TSTD2: variants seen among roughly 807,000 people sequenced by gnomAD.
TSTD2 encodes thiosulfate sulfurtransferase/rhodanese-like domain-containing protein 2.
TSTD2 carries 37 observed loss-of-function variants against 47.9 expected under a neutral mutation model. The observed-to-expected ratio is 0.77, with a 90% CI of 0.59 to 1.02. The LOEUF (loss-of-function observed/expected upper bound fraction) is 1.02. Ranked by LOEUF, TSTD2 falls within the 50% of genes least tolerant of loss-of-function variation. The probability of loss-of-function intolerance (pLI) is 0.00; values close to 1 mark genes in which losing one functional copy is unlikely to be tolerated. For synonymous variants in TSTD2, 201 were observed against 215.9 expected (o/e 0.93, Z 0.61); for missense variants, 586 against 616.0 (o/e 0.95, Z 0.52).
chr9:97,605,651 A>G lies in TSTD2; in HGVS notation c.955-10T>C. ...AGCCTTGGAATCGTCCCTGTAACAT[A>G]GGAGCAACAAAAGGAAAATTATCAG... On this transcript the variant is annotated splice_polypyrimidine_tract_variant and intron_variant, in intron 7 of 9. Coordinates refer to ENST00000341170, the MANE Select transcript of TSTD2 (RefSeq NM_139246.5). 1 of 1,614,082 alleles carries G rather than the reference A, an allele frequency of 6.2e-7. No homozygotes were observed. The highest frequency in any genetic ancestry group is 8.5e-7 in the Non-Finnish European group (1 of 1,179,998).
chr9:97,618,805 C>G lies in TSTD2; in HGVS notation c.483-928G>C, dbSNP rs577974979. On this transcript the variant is annotated intron_variant, in intron 3 of 9. Transcript: ENST00000341170. ...AGTCTGAGTCCCTCCTCAACAGCCT[C>G]ATCATATTTCAGGGCCTAGTCTCTT... Among the ~76,000 whole-genome samples, 5 of 152,318 alleles carry G rather than the reference C, an allele frequency of 3.3e-5. No individual in the cohort carries two copies. The East Asian group carries it at 9.6e-4, about 29-fold the overall frequency.
intron 7 of TSTD2, 109 bp from the exon 8 acceptor site, chr9:97,605,750 G>A: frequency 7.2e-7 from 1 of 1,383,862 alleles, no homozygotes; most frequent in Non-Finnish European, 9.8e-7. Context: ...GCCCCTGCCA[G>A]TTGCTAATCT....
chr9:97,617,904 A>G (rs766731507), intron 3 of TSTD2, 27 bp from the exon 4 acceptor site: 1 of 1,601,218 alleles, frequency 6.2e-7, no homozygotes, highest in East Asian at 2.2e-5. Flanking sequence ...CAAGGCAAAG[A>G]GCATTTGAGT....
chr9:97,613,030 G>A (rs1335720858), intron 4 of TSTD2, among the ~76,000 whole-genome samples: 1 of 152,228 alleles, frequency 6.6e-6, no homozygotes, highest in Non-Finnish European at 1.5e-5. Context: ...AATCCAGGTA[G>A]CTTAACAGAG....
intron 9 of TSTD2, among the ~76,000 whole-genome samples, chr9:97,603,788 C>T (rs1826315826): frequency 9.2e-5 from 14 of 152,156 alleles, no homozygotes; most frequent in Admixed American, 9.2e-4. Flanking sequence ...CAACCTCAAC[C>T]TCCCGGGCTC....
At position 97,605,594 on chromosome 9, in the gene TSTD2, G is replaced by GT; in HGVS notation, c.1001dup (p.Tyr334Ter). 1 of 1,614,234 alleles carries GT rather than the reference G, an allele frequency of 6.2e-7. No individual in the cohort carries two copies. The part of the protein sequence containing the change: ...CLAPDIRKFS[Y>*]FPSYVDKNLE... ...GATTTTTGTCAACGTAGCTAGGGAA[G>GT]TAACTGAATTTCCTGATGTCTGGGG... Residue 334 changes from tyrosine to a stop codon, truncating the protein, a stop_gained and frameshift_variant, in exon 8 of 10, where the codon TAC becomes TAAC. Transcript: ENST00000341170. LOFTEE classifies it high-confidence loss of function.
At chr9:97,618,030 G>C (rs1483984971) in intron 3 of TSTD2, among the ~76,000 whole-genome samples, 153 bp from the exon 4 acceptor site, 1 of 152,222 alleles carries the variant, frequency 6.6e-6, no homozygotes, top group Non-Finnish European at 1.5e-5. Flanking sequence ...CCTGAAATGA[G>C]AAGCAACTTC....
intron 6 of TSTD2, among the ~76,000 whole-genome samples, chr9:97,609,393 ACT>A (rs1826420373): frequency 6.6e-6 from 1 of 152,154 alleles, no homozygotes; most frequent in Non-Finnish European, 1.5e-5. Context: ...ATTATGGGAA[ACT>A]CTAAAGGTCA....
intron 3 of TSTD2, among the ~76,000 whole-genome samples, chr9:97,623,421 T>C (rs1405270295): frequency 6.6e-6 from 1 of 152,238 alleles, no homozygotes; most frequent in Admixed American, 6.5e-5. Context: ...AACAGACTAA[T>C]ACAAAACCCT....
chr9:97,633,003 C>G (rs1339071560), intron 1 of TSTD2, among the ~76,000 whole-genome samples: 8 of 152,246 alleles, frequency 5.3e-5, no homozygotes, highest in African/African-American at 1.9e-4. Context: ...CCCTTGAAAA[C>G]AGATTACTAA....
chr9:97,612,504 A>G (rs889330407), intron 4 of TSTD2, among the ~76,000 whole-genome samples: 61 of 152,226 alleles, frequency 4.0e-4, no homozygotes, highest in African/African-American at 1.3e-3. Flanking sequence ...CCTCACCAGC[A>G]TCTGTTATTT....
At chr9:97,624,688 C>T (rs530055991) in intron 3 of TSTD2, among the ~76,000 whole-genome samples, 1 of 151,856 alleles carries the variant, frequency 6.6e-6, no homozygotes, top group Non-Finnish European at 1.5e-5. Flanking sequence ...ATTCACTATA[C>T]TCTGTTTAAT....
rs779217770 is a variant in TSTD2, at chr9:97,601,050, G to A, written c.*1419C>T. 8.4e-5 allele frequency: 109 copies of A among 1,303,864 alleles called. No individual in the cohort carries two copies. The highest frequency in any genetic ancestry group is 1.0e-4 in the Non-Finnish European group (103 of 988,816). 80.8% of individuals were successfully genotyped at this position (1,303,864 alleles called of 1,614,324 possible). A position where few individuals can be genotyped will look rare whatever the true frequency, so the allele number is the denominator to read the frequency against. On this transcript the variant is annotated 3_prime_UTR_variant, in exon 10 of 10. Transcript: ENST00000341170. Reference sequence around the variant, plus strand: ...TGAAGGCCTGCGCACTGAACTGTAAGGCAGTGGGCAGTACAGGGTAACTGG... The same window carrying A: ...TGAAGGCCTGCGCACTGAACTGTAAAGCAGTGGGCAGTACAGGGTAACTGG...
intron 9 of TSTD2, 88 bp downstream of exon 9, chr9:97,604,638 TG>T (rs1434436067): frequency 6.4e-7 from 1 of 1,570,774 alleles, no homozygotes; most frequent in African/African-American, 1.4e-5. Context: ...TAATGAGCAC[TG>T]GCCTGTCTTC....
intron 3 of TSTD2, 51 bp downstream of exon 3, chr9:97,625,630 T>C (rs1826706066): frequency 1.3e-6 from 2 of 1,525,564 alleles, no homozygotes; most frequent in Non-Finnish European, 1.8e-6. Flanking sequence ...TATCTCATTG[T>C]GGTTGGAAAA....
intron 2 of TSTD2, among the ~76,000 whole-genome samples, 181 bp from the exon 3 acceptor site, chr9:97,626,178 T>C (rs1351162128): frequency 6.6e-6 from 1 of 152,120 alleles, no homozygotes. Context: ...AAGAGACTAT[T>C]AGAGAAATTA....
intron 1 of TSTD2, among the ~76,000 whole-genome samples, chr9:97,632,908 T>G (rs767083890): frequency 2.0e-5 from 3 of 152,118 alleles, no homozygotes; most frequent in Non-Finnish European, 4.4e-5. Context: ...CAGATGGCCA[T>G]GGACAAAGCA....
chr9:97,603,361 G>A (rs939751010), intron 9 of TSTD2, among the ~76,000 whole-genome samples: 1 of 152,036 alleles, frequency 6.6e-6, no homozygotes, highest in Non-Finnish European at 1.5e-5. Context: ...TCCTTACCTT[G>A]CTTATCTAAG....
At chr9:97,622,226 C>T (rs1355463711) in intron 3 of TSTD2, among the ~76,000 whole-genome samples, 1 of 152,236 alleles carries the variant, frequency 6.6e-6, no homozygotes, top group Non-Finnish European at 1.5e-5. Context: ...CCCAGCCACT[C>T]TAGCTGTGAC....
Sources: gnomAD v4.1 joint callset for allele counts (sites outside exome capture counted in the v4.1 genomes callset) on GRCh38, gnomAD v4.1.1 for gene constraint, MANE v1.5 for transcripts, NCBI Gene and HGNC (gene_info 2026-07-23, HGNC 2026-07-21) for gene names.